The following RALGAPA2 variants were observed in gnomAD, a reference collection of about 807,000 sequenced individuals.
RALGAPA2 encodes ral GTPase-activating protein subunit alpha-2.
In RALGAPA2, 139 loss-of-function variants were observed where a neutral mutation model predicts 230.4. That is an observed-to-expected ratio of 0.60 (90% CI 0.53 to 0.69). The LOEUF is 0.69. Ranked by LOEUF, RALGAPA2 falls within the 30% of genes least tolerant of loss-of-function variation. The probability of loss-of-function intolerance (pLI) is 0.00; values close to 1 mark genes in which losing one functional copy is unlikely to be tolerated. For synonymous variants in RALGAPA2, 847 were observed against 837.8 expected (o/e 1.01, Z -0.19); for missense variants, 2,163 against 2,276.0 (o/e 0.95, Z 1.01).
At chr20:20,648,369 G>A (rs953384602) in intron 4 of RALGAPA2, among the ~76,000 whole-genome samples, 4 of 152,018 alleles carry the variant, frequency 2.6e-5, no homozygotes, top group African/African-American at 7.2e-5. Flanking sequence ...ATGGGAGAGC[G>A]GGATTACCAA....
At chr20:20,617,094 A>G (rs1309249213) in intron 12 of RALGAPA2, among the ~76,000 whole-genome samples, 1 of 152,232 alleles carries the variant, frequency 6.6e-6, no homozygotes, top group African/African-American at 2.4e-5. Context: ...ATTTGGTACG[A>G]GGACAGACCT....
Position 20,512,604 on chromosome 20 carries a change from G to A in RALGAPA2, c.4765C>T (p.Gln1589Ter), listed in dbSNP as rs1322007666. 6.2e-7 allele frequency: 1 copy of A among 1,613,922 alleles called. No homozygotes were observed. The highest frequency in any genetic ancestry group is 1.7e-5 in the Admixed American group (1 of 60,022). The change falls in exon 32 of 40, where the codon CAA becomes TAA. Residue 1589 changes from glutamine (Q) to a stop codon, truncating the protein, a stop_gained. Transcript: ENST00000202677. LOFTEE classifies it high-confidence loss of function. ...GGCTCCACTGGGGAGGGCTGCCCTT[G>A]GCTGGTGACTTTCATTGCAGAATCG... ...NFDSAMKVTS[Q>*]GQPSPVEPRG...
At chr20:20,610,485 C>A (rs185783540) in intron 14 of RALGAPA2, among the ~76,000 whole-genome samples, 1 of 152,130 alleles carries the variant, frequency 6.6e-6, no homozygotes, top group African/African-American at 2.4e-5. Context: ...CACCAAAGAC[C>A]GGCCCAGCCC....
chr20:20,623,285 T>G (rs1314505908), intron 10 of RALGAPA2, among the ~76,000 whole-genome samples: 3 of 152,098 alleles, frequency 2.0e-5, no homozygotes, highest in Non-Finnish European at 2.9e-5. Context: ...TAGCGAAAGA[T>G]GTACCATACA....
At chr20:20,671,259 G>A (rs764772647) in intron 3 of RALGAPA2, among the ~76,000 whole-genome samples, 3 of 152,190 alleles carry the variant, frequency 2.0e-5, no homozygotes, top group Non-Finnish European at 4.4e-5. Flanking sequence ...TGACTTACAA[G>A]GCAGACAGCA....
chr20:20,562,839 A>AT (rs2064298382), intron 23 of RALGAPA2, among the ~76,000 whole-genome samples: 1 of 152,234 alleles, frequency 6.6e-6, no homozygotes, highest in Admixed American at 6.5e-5. Flanking sequence ...TTCTACAGCT[A>AT]TAAAAAAAAG....
At chr20:20,639,697 TATAG>T (rs1568687208) in intron 7 of RALGAPA2, 84 bp downstream of exon 7, 50 of 924,626 alleles carry the variant, frequency 5.4e-5, no homozygotes, top group Non-Finnish European at 7.9e-5. Flanking sequence ...AGAGGAAAAA[TATAG>T]ATACACAGAG....
intron 15 of RALGAPA2, among the ~76,000 whole-genome samples, chr20:20,604,912 T>C (rs1390622121): frequency 6.6e-6 from 1 of 152,208 alleles, no homozygotes; most frequent in Non-Finnish European, 1.5e-5. Flanking sequence ...TACAATGTAA[T>C]AGCCATTATT....
chr20:20,528,142 C>T (rs910562648), intron 27 of RALGAPA2, among the ~76,000 whole-genome samples: 3 of 152,016 alleles, frequency 2.0e-5, no homozygotes, highest in Non-Finnish European at 4.4e-5. Flanking sequence ...AAAGGTCGGT[C>T]GGATACAGGG....
chr20:20,682,892 T>C (rs757066143), intron 1 of RALGAPA2, among the ~76,000 whole-genome samples: 2 of 152,316 alleles, frequency 1.3e-5, no homozygotes, highest in South Asian at 4.1e-4. Context: ...TCATCTCTGC[T>C]GAGGACTTCT....
chr20:20,466,604 G>A (rs2061426801), intron 37 of RALGAPA2, among the ~76,000 whole-genome samples: 2 of 152,178 alleles, frequency 1.3e-5, no homozygotes, highest in African/African-American at 4.8e-5. Flanking sequence ...TGGCCCCAGG[G>A]CTGCACACCA....
At chr20:20,450,371 CTAACT>C (rs1267329918) in intron 37 of RALGAPA2, among the ~76,000 whole-genome samples, 5 of 152,190 alleles carry the variant, frequency 3.3e-5, no homozygotes, top group Non-Finnish European at 5.9e-5. Flanking sequence ...ACTTTCCATC[CTAACT>C]TAACGATAAT....
At chr20:20,624,802 T>C (rs1275837719) in intron 10 of RALGAPA2, among the ~76,000 whole-genome samples, 1 of 152,226 alleles carries the variant, frequency 6.6e-6, no homozygotes, top group Non-Finnish European at 1.5e-5. Context: ...TCATTGGATT[T>C]TAAACAATTC....
chr20:20,669,828 T>C (rs1325267474), intron 3 of RALGAPA2, among the ~76,000 whole-genome samples: 3 of 152,220 alleles, frequency 2.0e-5, no homozygotes, highest in African/African-American at 4.8e-5. Context: ...TTACCACACC[T>C]GATTAAAACG....
chr20:20,486,166 C>A (rs2061904574), intron 36 of RALGAPA2, among the ~76,000 whole-genome samples: 1 of 151,928 alleles, frequency 6.6e-6, no homozygotes, highest in African/African-American at 2.4e-5. Context: ...AAACAGATTT[C>A]ATTTTACTTA....
At position 20,552,664 on chromosome 20, in the gene RALGAPA2, A is replaced by G. The variant is rs546828713; in HGVS notation, c.3157-5832T>C. Among the ~76,000 whole-genome samples the G allele has an allele frequency of 3.3e-5, 5 of 152,326 alleles. No individual in the cohort carries two copies. In the East Asian group the frequency reaches 9.6e-4, roughly 29 times the overall value. On this transcript the variant is annotated intron_variant, in intron 23 of 39. Transcript: ENST00000202677. Reference sequence around the variant, plus strand: ...TATGAATATAATTTAAACTTTAACAATGGAGAAGACAGCCACGATCCTGCA... The same window carrying G: ...TATGAATATAATTTAAACTTTAACAGTGGAGAAGACAGCCACGATCCTGCA...
chr20:20,691,144 G>T (rs187616664), intron 1 of RALGAPA2, among the ~76,000 whole-genome samples: 151 of 152,120 alleles, frequency 9.9e-4, no homozygotes, highest in African/African-American at 3.5e-3. Context: ...CTCGTCACCC[G>T]CTATTTCTTA....
chr20:20,617,991 G>A (rs868101480), intron 12 of RALGAPA2, among the ~76,000 whole-genome samples: 11 of 152,240 alleles, frequency 7.2e-5, no homozygotes, highest in Middle Eastern at 3.4e-3. Flanking sequence ...TCAATAGGTT[G>A]TTGGAAATGA....
chr20:20,595,289 C>G (rs2065418346), intron 16 of RALGAPA2, among the ~76,000 whole-genome samples: 1 of 152,144 alleles, frequency 6.6e-6, no homozygotes, highest in Non-Finnish European at 1.5e-5. Context: ...ATCCCTTATA[C>G]AAGGTTGCAT....
Sources: gnomAD v4.1 joint callset for allele counts (sites outside exome capture counted in the v4.1 genomes callset) on GRCh38, gnomAD v4.1.1 for gene constraint, MANE v1.5 for transcripts, NCBI Gene and HGNC (gene_info 2026-07-23, HGNC 2026-07-21) for gene names.